STIM2: variants seen among roughly 807,000 people sequenced by gnomAD.
STIM2 encodes stromal interaction molecule 2.
A neutral mutation model predicts 85.8 loss-of-function variants in STIM2; 31 were observed. That is an observed-to-expected ratio of 0.36 (90% CI 0.27 to 0.49). STIM2 has a LOEUF of 0.49. Ranked by LOEUF, STIM2 falls within the 20% of genes least tolerant of loss-of-function variation. The pLI, the probability that STIM2 is intolerant of heterozygous loss-of-function variation, is 0.98. For synonymous variants in STIM2, 356 were observed against 331.1 expected, an observed-to-expected ratio of 1.08 and a Z score of -0.82; for missense variants, 841 against 927.6, an observed-to-expected ratio of 0.91 and a Z score of 1.21.
Position 27,022,609 on chromosome 4 carries a change from A to G in STIM2, c.1854A>G (p.Gln618=), listed in dbSNP as rs765813294. The change falls in exon 12 of 12, where the codon CAA becomes CAG. Residue 618 remains glutamine (Q), a synonymous_variant. Coordinates refer to ENST00000467087, the MANE Select transcript of STIM2 (RefSeq NM_020860.4). Reference sequence around the variant, plus strand: ...CTCCTTTAAGCCTCGAGATATACCAAACATTATCTCCGCGAAAGATATCAA... The same window carrying G: ...CTCCTTTAAGCCTCGAGATATACCAGACATTATCTCCGCGAAAGATATCAA... 5.6e-6 allele frequency: 9 copies of G among 1,613,988 alleles called. No homozygotes were observed. Among genetic ancestry groups the G allele is most frequent in the Admixed American group, 1.7e-5 (1 of 60,004 alleles).
At chr4:26,895,570 A>G (rs1435435101) in intron 1 of STIM2, among the ~76,000 whole-genome samples, 4 of 152,198 alleles carry the variant, frequency 2.6e-5, no homozygotes, top group African/African-American at 9.6e-5. Flanking sequence ...GCGATGAGAA[A>G]TGGAAGAAAC....
chr4:26,915,000 A>C (rs566318551), intron 1 of STIM2, among the ~76,000 whole-genome samples: 1 of 152,276 alleles, frequency 6.6e-6, no homozygotes, highest in Admixed American at 6.5e-5. Context: ...ACACTGACCC[A>C]TTTATGTTCG....
At chr4:26,862,752 TTGAG>T (rs982900689) in intron 1 of STIM2, among the ~76,000 whole-genome samples, 4 of 152,306 alleles carry the variant, frequency 2.6e-5, no homozygotes, top group Non-Finnish European at 5.9e-5. Flanking sequence ...ATAGTACAGT[TTGAG>T]TGAGAAGATA....
intron 1 of STIM2, among the ~76,000 whole-genome samples, chr4:26,876,656 G>A (rs557558385): frequency 1.6e-4 from 24 of 152,256 alleles, no homozygotes; most frequent in East Asian, 5.8e-4. Flanking sequence ...TTTATTTAAT[G>A]TACTTGCTGA....
chr4:26,977,628 T>C lies in STIM2; in HGVS notation c.398-17751T>C, dbSNP rs150477783. On this transcript the variant is annotated intron_variant, in intron 3 of 11. Coordinates refer to ENST00000467087, the MANE Select transcript of STIM2 (RefSeq NM_020860.4). ...ATAGCTGGCAGGATTTGCTGTGGAA[T>C]TGAATTCAGGTTACTAGTGGGGGAC... Among the ~76,000 whole-genome samples, 65 of 152,254 alleles carry C rather than the reference T, an allele frequency of 4.3e-4. 2 individuals are homozygous for C. In the East Asian group the frequency reaches 0.012, roughly 28 times the overall value.
intron 1 of STIM2, among the ~76,000 whole-genome samples, chr4:26,864,795 G>A (rs1208539048): frequency 6.6e-6 from 1 of 152,016 alleles, no homozygotes; most frequent in Non-Finnish European, 1.5e-5. Context: ...CATTTAGAAT[G>A]GCCACTTTAC....
chr4:26,869,857 A>G (rs1468659480), intron 1 of STIM2, among the ~76,000 whole-genome samples: 2 of 151,440 alleles, frequency 1.3e-5, no homozygotes, highest in East Asian at 1.9e-4. Context: ...CTGCACTGCT[A>G]TGTTCTTTTC....
intron 1 of STIM2, among the ~76,000 whole-genome samples, chr4:26,894,061 A>G (rs541881662): frequency 2.8e-4 from 42 of 151,944 alleles, no homozygotes; most frequent in Middle Eastern, 3.4e-3. Flanking sequence ...GCTAATTTTT[A>G]TATTTTCAGT....
chr4:26,928,279 A>G (rs1220582116), intron 2 of STIM2, among the ~76,000 whole-genome samples: 2 of 152,332 alleles, frequency 1.3e-5, no homozygotes, highest in Admixed American at 6.5e-5. Context: ...GGAGGGGACA[A>G]ACATTCAAAT....
intron 7 of STIM2, 47 bp downstream of exon 7, chr4:27,003,151 C>G (rs772363845): frequency 8.6e-6 from 13 of 1,513,354 alleles, no homozygotes; most frequent in Non-Finnish European, 1.1e-5. Flanking sequence ...TTAACATTGC[C>G]ACTCTGAGGA....
At chr4:26,941,269 A>G (rs1428225611) in intron 2 of STIM2, among the ~76,000 whole-genome samples, 1 of 152,072 alleles carries the variant, frequency 6.6e-6, no homozygotes, top group African/African-American at 2.4e-5. Context: ...TTCAAGTGGA[A>G]TCTTTTCTCT....
At chr4:26,983,257 A>T (rs576601878) in intron 3 of STIM2, among the ~76,000 whole-genome samples, 1 of 152,230 alleles carries the variant, frequency 6.6e-6, no homozygotes, top group Non-Finnish European at 1.5e-5. Flanking sequence ...TGCCTTTCTC[A>T]TATGATTCTC....
intron 3 of STIM2, among the ~76,000 whole-genome samples, chr4:26,974,572 C>G (rs1727107692): frequency 6.6e-6 from 1 of 152,228 alleles, no homozygotes; most frequent in African/African-American, 2.4e-5. Context: ...GACCTCCACT[C>G]TCTTGTGGCT....
chr4:26,991,442 A>G (rs1363338307), intron 3 of STIM2, among the ~76,000 whole-genome samples: 1 of 152,100 alleles, frequency 6.6e-6, no homozygotes, highest in Non-Finnish European at 1.5e-5. Context: ...GAGGGGAATG[A>G]AGAGAAGTTG....
chr4:26,972,891 G>A (rs1727018017), intron 3 of STIM2, among the ~76,000 whole-genome samples: 1 of 152,102 alleles, frequency 6.6e-6, no homozygotes, highest in Non-Finnish European at 1.5e-5. Flanking sequence ...TGGTTGGTAG[G>A]CTATTAATTA....
intron 3 of STIM2, among the ~76,000 whole-genome samples, chr4:26,994,230 C>T (rs1727871638): frequency 1.3e-5 from 2 of 152,102 alleles, no homozygotes; most frequent in Admixed American, 6.6e-5. Flanking sequence ...ATACTTCAAA[C>T]ATAACGTGTC....
Position 27,019,486 on chromosome 4 carries a change from G to A in STIM2, c.1763+1502G>A, listed in dbSNP as rs866157588. 26 of 1,289,602 alleles carry A rather than the reference G, an allele frequency of 2.0e-5. No homozygotes were observed. In the African/African-American group the frequency reaches 3.8e-4, roughly 19 times the overall value. 79.9% of individuals were successfully genotyped at this position (1,289,602 alleles called of 1,614,324 possible). ...AAATCAGAAGGAAAACTCGAGAGCTGCACTGTCTAATAAAACTTCCTGCAT... is the reference window on the plus strand; with the variant it reads ...AAATCAGAAGGAAAACTCGAGAGCTACACTGTCTAATAAAACTTCCTGCAT... On this transcript the variant is annotated intron_variant, in intron 11 of 11. Transcript: ENST00000467087.
At chr4:26,972,987 G>A (rs537300624) in intron 3 of STIM2, among the ~76,000 whole-genome samples, 1 of 152,152 alleles carries the variant, frequency 6.6e-6, no homozygotes, top group Admixed American at 6.5e-5. Context: ...ATGCATCCAG[G>A]AATTTATCCA....
chr4:26,875,056 G>T (rs1033350277), intron 1 of STIM2, among the ~76,000 whole-genome samples: 6 of 152,194 alleles, frequency 3.9e-5, no homozygotes, highest in Middle Eastern at 3.4e-3. Context: ...TGGCATATTG[G>T]TTTTATTGAT....
Sources: allele counts gnomAD v4.1 joint callset (sites outside exome capture counted in the v4.1 genomes callset), GRCh38; gene constraint gnomAD v4.1.1; transcripts MANE v1.5; gene names NCBI Gene and HGNC (gene_info 2026-07-23, HGNC 2026-07-21).